MGA: variants seen among roughly 807,000 people sequenced by gnomAD.
The protein encoded by MGA is MAX gene-associated protein.
In MGA, 40 loss-of-function variants were observed where a neutral mutation model predicts 261.1. The observed-to-expected ratio is 0.15, with a 90% CI of 0.12 to 0.20. The LOEUF (loss-of-function observed/expected upper bound fraction) is 0.20. MGA is among the 10% of genes least tolerant of loss of function. MGA has a pLI of 1.00. For synonymous variants in MGA, 1,302 were observed against 1,290.6 expected (o/e 1.01, Z -0.19); for missense variants, 3,397 against 3,630.5 (o/e 0.94, Z 1.65).
At chr15:41,646,294 T>C (rs1415895955) in intron 1 of MGA, among the ~76,000 whole-genome samples, 3 of 152,042 alleles carry the variant, frequency 2.0e-5, no homozygotes, top group African/African-American at 7.2e-5. Context: ...GTGAAGAAAT[T>C]TAGCTGTGAG....
chr15:41,746,736 A>C (rs1484924977), intron 15 of MGA, among the ~76,000 whole-genome samples: 1 of 151,906 alleles, frequency 6.6e-6, no homozygotes, highest in African/African-American at 2.4e-5. Context: ...TTGTGTGGGC[A>C]GAGTGCCTGT....
rs541957341 is a variant in MGA at position 41,713,460 on chromosome 15, T to C, written c.3394T>C (p.Leu1132=). The C allele has an allele frequency of 1.3e-6, 2 of 1,553,308 alleles. No homozygotes were observed. The highest frequency in any genetic ancestry group is 1.7e-6 in the Non-Finnish European group (2 of 1,148,360). ...AGGAATCAGGGAGGAGGAGGAACAA[T>C]TGAAAGAGAAAAAGAAGAGAAAGAA... The change falls in exon 9 of 24, where the codon TTG becomes CTG. Residue 1132 remains leucine, a synonymous_variant. Transcript: ENST00000219905.
At chr15:41,735,570 C>T (rs1049396721) in intron 12 of MGA, among the ~76,000 whole-genome samples, 1 of 152,124 alleles carries the variant, frequency 6.6e-6, no homozygotes, top group African/African-American at 2.4e-5. Context: ...AACCCCGTCT[C>T]TAGTAAAAAT....
chr15:41,649,204 A>C (rs2056991792), intron 1 of MGA, among the ~76,000 whole-genome samples: 2 of 152,024 alleles, frequency 1.3e-5, no homozygotes, highest in Non-Finnish European at 2.9e-5. Flanking sequence ...CAAGATGGTG[A>C]AACTTCGTCT....
chr15:41,721,101 A>G (rs1292367700), intron 9 of MGA, among the ~76,000 whole-genome samples: 1 of 152,224 alleles, frequency 6.6e-6, no homozygotes, highest in African/African-American at 2.4e-5. Context: ...CATATTAGGA[A>G]AAAATTTCTT....
intron 2 of MGA, chr15:41,684,452 C>G: frequency 2.4e-6 from 1 of 424,490 alleles, no homozygotes; most frequent in Non-Finnish European, 4.7e-6. Context: ...TGAAACTTAA[C>G]TGTTTGTGAA....
At chr15:41,741,430 A>G (rs1437314389) in intron 14 of MGA, among the ~76,000 whole-genome samples, 2 of 152,054 alleles carry the variant, frequency 1.3e-5, no homozygotes, top group Non-Finnish European at 2.9e-5. Context: ...AAAAAAAGCA[A>G]TCCTATCCTG....
chr15:41,707,650 C>T, intron 5 of MGA, 78 bp from the exon 6 acceptor site: 1 of 1,374,482 alleles, frequency 7.3e-7, no homozygotes, highest in Non-Finnish European at 9.8e-7. Context: ...ATCTCCCAGG[C>T]ACAAGTTAAA....
Position 41,718,525 on chromosome 15 carries a change from CTTT to C in MGA, c.3430+5032_3430+5034del, listed in dbSNP as rs2060776871. 9.9e-6 allele frequency: 5 copies of C among 502,738 alleles called. No homozygotes were observed. The East Asian group carries it at 1.5e-4, about 15-fold the overall frequency. The allele number at this position is 502,738 out of a possible 1,614,324, so 31.1% of individuals were successfully genotyped here. A position where few individuals can be genotyped will look rare whatever the true frequency, so the allele number is the denominator to read the frequency against. ...CACTGCTCTGTAGTCTTGTAGTTCT[CTTT>C]TTCTGTGTCAGAGATCTCACCTTCC... is the stretch of plus-strand genomic sequence containing the variant. On this transcript the variant is annotated intron_variant, in intron 9 of 23. Coordinates refer to ENST00000219905, the MANE Select transcript of MGA (RefSeq NM_001164273.2).
chr15:41,742,743 G>A lies in MGA; in HGVS notation c.4783G>A (p.Ala1595Thr), dbSNP rs2062189756. 1 of 1,613,960 alleles carries A rather than the reference G, an allele frequency of 6.2e-7. No individual in the cohort carries two copies. Among genetic ancestry groups the A allele is most frequent in the Non-Finnish European group, 8.5e-7 (1 of 1,179,876 alleles). Residue 1595 changes from alanine to threonine, a missense_variant, in exon 15 of 24, where the codon GCT (alanine) becomes ACT (threonine). By Grantham distance (58) the Ala-to-Thr change is moderately conservative. Transcript: ENST00000219905. ...AGTTCAGGTGTGCAGCCCTGTGACT[G>A]CTGCTGTCACTACTACCACCCCTCA...
intron 1 of MGA, among the ~76,000 whole-genome samples, chr15:41,629,339 G>C (rs1333132436): frequency 6.6e-6 from 1 of 152,074 alleles, no homozygotes; most frequent in African/African-American, 2.4e-5. Context: ...TACAGAGATG[G>C]GAAACAGGAA....
chr15:41,664,698 A>G (rs748610109), intron 1 of MGA, among the ~76,000 whole-genome samples: 31 of 152,242 alleles, frequency 2.0e-4, no homozygotes, highest in Admixed American at 3.9e-4. Context: ...TTATGAATTA[A>G]TAAGTACAAG....
At chr15:41,754,778 A>G (rs2063049714) in intron 18 of MGA, among the ~76,000 whole-genome samples, 1 of 152,188 alleles carries the variant, frequency 6.6e-6, no homozygotes, top group Non-Finnish European at 1.5e-5. Flanking sequence ...TGTGAATAAC[A>G]TGCTTTTGGA....
At chr15:41,754,351 G>T in intron 17 of MGA, 86 bp from the exon 18 acceptor site, 1 of 1,258,742 alleles carries the variant, frequency 7.9e-7, no homozygotes, top group Non-Finnish European at 1.1e-6. Context: ...GGCATTAGTT[G>T]GTTTTATAAG....
intron 9 of MGA, chr15:41,718,255 A>T (rs1383801303): frequency 4.8e-6 from 1 of 209,952 alleles, no homozygotes; most frequent in Non-Finnish European, 9.4e-6. Flanking sequence ...CTATATATAG[A>T]TAGATATCTT....
chr15:41,676,937 C>T (rs999453510), intron 2 of MGA, among the ~76,000 whole-genome samples: 1 of 152,184 alleles, frequency 6.6e-6, no homozygotes, highest in Non-Finnish European at 1.5e-5. Context: ...TGCTTTCCCC[C>T]CCAAAATCCC....
chr15:41,768,856 T>A lies in MGA; in HGVS notation c.*1576T>A, dbSNP rs115793072. 1 of 148,818 alleles carries A rather than the reference T, an allele frequency of 6.7e-6. No individual in the cohort carries two copies. The highest frequency in any genetic ancestry group is 2.5e-5 in the African/African-American group (1 of 40,352). 9.2% of individuals were successfully genotyped at this position (148,818 alleles called of 1,614,324 possible). A position where few individuals can be genotyped will look rare whatever the true frequency, so the allele number is the denominator to read the frequency against. ...CATGGTTGGTTCCCTTTCTGTTAAC[T>A]CTGGTAATCAACAGATTGAAAACGG... On this transcript the variant is annotated 3_prime_UTR_variant, in exon 24 of 24. Coordinates refer to ENST00000219905, the MANE Select transcript of MGA (RefSeq NM_001164273.2).
chr15:41,631,628 C>T (rs16971920), intron 1 of MGA, among the ~76,000 whole-genome samples: 5,104 of 152,174 alleles, frequency 0.034, 143 homozygotes, highest in African/African-American at 0.071. Flanking sequence ...GTTCCTCCTC[C>T]GCATACTTTG....
In MGA at chr15:41,725,559, C is replaced by A. The variant is rs1418836512; in HGVS notation, c.3431-1621C>A. 1.2e-3 allele frequency among the ~76,000 whole-genome samples: 10 copies of A among 8,310 alleles called. 4 individuals carry two copies. The highest frequency in any genetic ancestry group is 4.5e-3 in the Admixed American group (2 of 446). 5.5% of individuals were successfully genotyped at this position (8,310 alleles called of 152,430 possible). Reference sequence around the variant, plus strand: ...AAAAAAATAAATAAGTAGGGCCGGGCGCGGTGGCTCACGCCTGTAATCCCA... The same window carrying A: ...AAAAAAATAAATAAGTAGGGCCGGGAGCGGTGGCTCACGCCTGTAATCCCA... On this transcript the variant is annotated intron_variant, in intron 9 of 23. Coordinates refer to ENST00000219905, the MANE Select transcript of MGA (RefSeq NM_001164273.2).
Sources: gnomAD v4.1 joint callset for allele counts (sites outside exome capture counted in the v4.1 genomes callset) on GRCh38, gnomAD v4.1.1 for gene constraint, MANE v1.5 for transcripts, NCBI Gene and HGNC (gene_info 2026-07-23, HGNC 2026-07-21) for gene names.